The following GNA14 variants were observed in gnomAD, a reference collection of about 807,000 sequenced individuals.
GNA14 encodes G protein subunit alpha 14, also known as guanine nucleotide-binding protein subunit alpha-14.
A neutral mutation model predicts 42.0 loss-of-function variants in GNA14; 50 were observed. The observed-to-expected ratio is 1.19, with a 90% confidence interval of 0.95 to 1.51. The LOEUF (loss-of-function observed/expected upper bound fraction) is 1.51. Ranked by LOEUF, GNA14 falls within the 40% of genes most tolerant of loss-of-function variation. The pLI is 0.00. For synonymous variants in GNA14, 173 were observed against 163.1 expected (o/e 1.06, Z -0.46); for missense variants, 473 against 446.2 (o/e 1.06, Z -0.54).
intron 2 of GNA14, among the ~76,000 whole-genome samples, chr9:77,521,917 C>T (rs1362636535): frequency 6.6e-6 from 1 of 152,192 alleles, no homozygotes; most frequent in East Asian, 1.9e-4. Context: ...ACTGCAACCT[C>T]TGTCTCCCAG....
At chr9:77,570,124 G>C (rs1823039179) in intron 1 of GNA14, among the ~76,000 whole-genome samples, 1 of 152,070 alleles carries the variant, frequency 6.6e-6, no homozygotes, top group Non-Finnish European at 1.5e-5. Context: ...ATTAATTTTT[G>C]TCATTATTGT....
intron 2 of GNA14, among the ~76,000 whole-genome samples, chr9:77,506,078 A>G (rs999089768): frequency 2.6e-5 from 4 of 151,852 alleles, no homozygotes; most frequent in Non-Finnish European, 5.9e-5. Context: ...AGTCTGGACC[A>G]CACAGAGAGA....
In GNA14 at chr9:77,507,391, G is replaced by A. The variant is rs10116007; in HGVS notation, c.309+21678C>T. ...GAAAGATACTTGGTTCCCTTCCAAAGGCAGGAAAACCTTTTAAAAATAAAT... is the reference window on the plus strand; with the variant it reads ...GAAAGATACTTGGTTCCCTTCCAAAAGCAGGAAAACCTTTTAAAAATAAAT... On this transcript the variant is annotated intron_variant, in intron 2 of 6. Coordinates refer to ENST00000341700, the MANE Select transcript of GNA14 (RefSeq NM_004297.4). 8.3e-3 allele frequency among the ~76,000 whole-genome samples: 1,266 copies of A among 152,224 alleles called. 24 individuals carry two copies. The highest frequency in any genetic ancestry group is 0.029 in the African/African-American group (1,197 of 41,536).
intron 1 of GNA14, among the ~76,000 whole-genome samples, chr9:77,605,823 T>G (rs1186648384): frequency 6.6e-6 from 1 of 152,244 alleles, no homozygotes; most frequent in Non-Finnish European, 1.5e-5. Flanking sequence ...CTCAGTTACC[T>G]CAGCTTGAAA....
At chr9:77,524,141 T>C (rs903839836) in intron 2 of GNA14, among the ~76,000 whole-genome samples, 4 of 152,154 alleles carry the variant, frequency 2.6e-5, no homozygotes, top group African/African-American at 9.7e-5. Flanking sequence ...AAAATTAAGG[T>C]TTATCAACAG....
At chr9:77,604,092 T>C (rs1361792421) in intron 1 of GNA14, among the ~76,000 whole-genome samples, 1 of 151,970 alleles carries the variant, frequency 6.6e-6, no homozygotes, top group African/African-American at 2.4e-5. Flanking sequence ...TTCCCACAAA[T>C]TTTTGTAAAT....
At chr9:77,571,952 T>A (rs918759935) in intron 1 of GNA14, among the ~76,000 whole-genome samples, 1 of 152,154 alleles carries the variant, frequency 6.6e-6, no homozygotes, top group Non-Finnish European at 1.5e-5. Context: ...TGGCTGCTCA[T>A]AAGAGAATCT....
intron 2 of GNA14, among the ~76,000 whole-genome samples, chr9:77,519,439 C>T (rs1315910321): frequency 6.6e-6 from 1 of 151,940 alleles, no homozygotes; most frequent in African/African-American, 2.4e-5. Flanking sequence ...TAAAACAAAA[C>T]CAAAGCCAAA....
intron 1 of GNA14, among the ~76,000 whole-genome samples, chr9:77,543,546 A>G (rs558555554): frequency 3.9e-5 from 6 of 152,282 alleles, no homozygotes; most frequent in African/African-American, 1.4e-4. Context: ...TCACTGCACA[A>G]TCTCTAGGTA....
intron 1 of GNA14, among the ~76,000 whole-genome samples, chr9:77,643,372 T>G (rs988341477): frequency 4.6e-5 from 7 of 151,904 alleles, no homozygotes; most frequent in African/African-American, 1.7e-4. Flanking sequence ...CCTGAGAAGC[T>G]GGGATTACAA....
intron 2 of GNA14, among the ~76,000 whole-genome samples, chr9:77,509,877 G>A (rs1341486153): frequency 6.6e-6 from 1 of 152,142 alleles, no homozygotes; most frequent in Non-Finnish European, 1.5e-5. Flanking sequence ...AACAACAGTG[G>A]GGCAAACTGG....
intron 1 of GNA14, among the ~76,000 whole-genome samples, chr9:77,534,411 T>G (rs1260615701): frequency 1.3e-5 from 2 of 152,196 alleles, no homozygotes; most frequent in African/African-American, 2.4e-5. Context: ...ACATAAATCT[T>G]TCCCAAGTGA....
chr9:77,530,602 G>A (rs570819486), intron 1 of GNA14, among the ~76,000 whole-genome samples: 5 of 152,266 alleles, frequency 3.3e-5, no homozygotes, highest in African/African-American at 4.8e-5. Context: ...GCTCCCAGTC[G>A]GCAAGAGAAA....
intron 2 of GNA14, among the ~76,000 whole-genome samples, chr9:77,455,548 G>T (rs1216166640): frequency 2.6e-5 from 4 of 152,176 alleles, no homozygotes; most frequent in African/African-American, 4.8e-5. Context: ...ACATGGTCTT[G>T]TTCCCAGTTC....
chr9:77,518,471 C>T (rs1324987953), intron 2 of GNA14, among the ~76,000 whole-genome samples: 2 of 151,932 alleles, frequency 1.3e-5, no homozygotes, highest in Non-Finnish European at 1.5e-5. Context: ...TGGGTGGGAT[C>T]GGGAGTTCAG....
At chr9:77,487,476 G>C (rs1304090373) in intron 2 of GNA14, among the ~76,000 whole-genome samples, 3 of 144,558 alleles carry the variant, frequency 2.1e-5, no homozygotes, top group Non-Finnish European at 4.6e-5. Flanking sequence ...CTATAAAATA[G>C]GAATGCTATC....
chr9:77,444,894 A>G (rs1225258156), intron 2 of GNA14, among the ~76,000 whole-genome samples: 1 of 152,118 alleles, frequency 6.6e-6, no homozygotes, highest in Non-Finnish European at 1.5e-5. Context: ...CTCGTTCACC[A>G]CTCAGTGCAC....
chr9:77,630,559 A>C (rs1259391332), intron 1 of GNA14, among the ~76,000 whole-genome samples: 2 of 152,230 alleles, frequency 1.3e-5, no homozygotes, highest in African/African-American at 4.8e-5. Flanking sequence ...TGTTTAAAGA[A>C]AATGTAATAA....
At chr9:77,571,535 TATC>T (rs1456479501) in intron 1 of GNA14, among the ~76,000 whole-genome samples, 1 of 152,098 alleles carries the variant, frequency 6.6e-6, no homozygotes, top group Non-Finnish European at 1.5e-5. Flanking sequence ...TTCAAAAACT[TATC>T]ATTAAAAAGG....
Sources: allele counts gnomAD v4.1 joint callset (sites outside exome capture counted in the v4.1 genomes callset), GRCh38; gene constraint gnomAD v4.1.1; transcripts MANE v1.5; gene names NCBI Gene and HGNC (gene_info 2026-07-23, HGNC 2026-07-21).